The following CEP170 variants were observed in gnomAD, a reference collection of about 807,000 sequenced individuals.
The protein encoded by CEP170 is centrosomal protein of 170 kDa.
A neutral mutation model predicts 151.9 loss-of-function variants in CEP170; 21 were observed. That is an observed-to-expected ratio of 0.14 (90% confidence interval 0.10 to 0.20). CEP170 has a LOEUF of 0.20. Ranked by LOEUF, CEP170 falls within the 10% of genes least tolerant of loss-of-function variation. CEP170 has a pLI of 1.00. For synonymous variants in CEP170, 356 were observed against 648.8 expected (o/e 0.55, Z 6.86); for missense variants, 964 against 1,892.9 (o/e 0.51, Z 9.11).
rs554498179 is a variant in CEP170 at position 243,147,028 on chromosome 1, C to T, written c.3912-4565G>A. 2.6e-5 allele frequency among the ~76,000 whole-genome samples: 4 copies of T among 151,668 alleles called. No individual in the cohort carries two copies. In the East Asian group the frequency reaches 5.8e-4, roughly 22 times the overall value. ...CAGATGGAATGCTCAGTATCATTGG[C>T]TACGAAGCATGAATGCTTAGCAAAG... On this transcript the variant is annotated intron_variant, in intron 14 of 19. Transcript: ENST00000366542.
intron 1 of CEP170, among the ~76,000 whole-genome samples, chr1:243,244,109 C>T (rs1176312685): frequency 6.6e-6 from 1 of 152,036 alleles, no homozygotes; most frequent in Non-Finnish European, 1.5e-5. Context: ...GTTAAACACA[C>T]ACAAATACTA....
At chr1:243,176,102 G>C (rs541216719) in intron 10 of CEP170, among the ~76,000 whole-genome samples, 1 of 151,942 alleles carries the variant, frequency 6.6e-6, no homozygotes, top group African/African-American at 2.4e-5. Flanking sequence ...GGCCTCAAAG[G>C]TATTTCCAAC....
chr1:243,217,289 G>T (rs1304276627), intron 3 of CEP170, among the ~76,000 whole-genome samples: 1 of 152,130 alleles, frequency 6.6e-6, no homozygotes, highest in Admixed American at 6.6e-5. Flanking sequence ...ACTAATGTCT[G>T]GTAGGCAAAA....
At chr1:243,243,096 TG>T (rs2065018681) in intron 1 of CEP170, among the ~76,000 whole-genome samples, 1 of 152,210 alleles carries the variant, frequency 6.6e-6, no homozygotes, top group Non-Finnish European at 1.5e-5. Flanking sequence ...CTAGGCGTGG[TG>T]GCTCATGCCT....
chr1:243,222,063 C>T (rs931512774), intron 2 of CEP170, among the ~76,000 whole-genome samples: 1 of 152,202 alleles, frequency 6.6e-6, no homozygotes, highest in Non-Finnish European at 1.5e-5. Context: ...TAAGAATTTA[C>T]ATCAGCTGAC....
At chr1:243,159,940 C>CA (rs1354962682) in intron 13 of CEP170, among the ~76,000 whole-genome samples, 2 of 152,062 alleles carry the variant, frequency 1.3e-5, no homozygotes, top group African/African-American at 4.8e-5. Flanking sequence ...AGGCACCTGC[C>CA]ACCATGTCTG....
At chr1:243,226,505 A>C (rs1359396633) in intron 1 of CEP170, among the ~76,000 whole-genome samples, 2 of 152,244 alleles carry the variant, frequency 1.3e-5, no homozygotes, top group East Asian at 3.9e-4. Flanking sequence ...TATATAAAGA[A>C]AACCTGGCTT....
At chr1:243,147,737 A>C (rs2056661580) in intron 14 of CEP170, among the ~76,000 whole-genome samples, 5 of 152,162 alleles carry the variant, frequency 3.3e-5, no homozygotes, top group African/African-American at 7.2e-5. Flanking sequence ...TTTTTTTCCC[A>C]AAAAAATTAA....
intron 14 of CEP170, among the ~76,000 whole-genome samples, chr1:243,143,140 C>A (rs2148329365): frequency 6.6e-6 from 1 of 152,184 alleles, no homozygotes; most frequent in Admixed American, 6.5e-5. Flanking sequence ...TATGTTTACA[C>A]CTGAGAAGGG....
chr1:243,162,182 A>G (rs2058118283), intron 13 of CEP170, among the ~76,000 whole-genome samples: 1 of 152,186 alleles, frequency 6.6e-6, no homozygotes, highest in Non-Finnish European at 1.5e-5. Flanking sequence ...GACCTTGCAT[A>G]TACTCCTGAT....
chr1:243,224,464 A>AAG (rs558877253), intron 2 of CEP170, among the ~76,000 whole-genome samples: 6,664 of 152,086 alleles, frequency 0.044, 289 homozygotes, highest in African/African-American at 0.12. Flanking sequence ...AAAAAAAAAA[A>AAG]ATTGCAAAAA....
chr1:243,254,179 C>T (rs887139201), intron 1 of CEP170, among the ~76,000 whole-genome samples: 2 of 137,096 alleles, frequency 1.5e-5, no homozygotes, highest in Admixed American at 7.1e-5. Flanking sequence ...GTCTTCCTTA[C>T]ATTCCTCAAA....
chr1:243,200,987 T>C (rs1473498267), intron 4 of CEP170, among the ~76,000 whole-genome samples, 152 bp from the exon 5 acceptor site: 3 of 152,078 alleles, frequency 2.0e-5, no homozygotes, highest in African/African-American at 7.2e-5. Flanking sequence ...TAAAATATGG[T>C]CACCAATGTA....
chr1:243,190,935 A>G (rs2060271695), intron 8 of CEP170, 83 bp downstream of exon 8: 25 of 1,431,600 alleles, frequency 1.7e-5, no homozygotes, highest in Non-Finnish European at 2.2e-5. Flanking sequence ...CTACCATGTA[A>G]GTATCTACTA....
chr1:243,241,784 C>A, intron 1 of CEP170, among the ~76,000 whole-genome samples: 1 of 138,740 alleles, frequency 7.2e-6, no homozygotes. Flanking sequence ...AGTGAGACTC[C>A]CTCTCATTAA....
intron 1 of CEP170, among the ~76,000 whole-genome samples, chr1:243,234,502 C>T (rs1178763599): frequency 6.6e-6 from 1 of 152,194 alleles, no homozygotes; most frequent in Non-Finnish European, 1.5e-5. Context: ...AAATTGTAAT[C>T]TGAACCAGCA....
intron 3 of CEP170, 196 bp downstream of exon 3, chr1:243,221,528 T>G: frequency 1.9e-6 from 1 of 532,914 alleles, no homozygotes; most frequent in African/African-American, 2.0e-5. Flanking sequence ...ATTCATCTGC[T>G]TATAGTTTCT....
chr1:243,167,806 T>C (rs762544163), intron 12 of CEP170, among the ~76,000 whole-genome samples: 5 of 151,918 alleles, frequency 3.3e-5, no homozygotes, highest in Non-Finnish European at 7.4e-5. Flanking sequence ...CTTATCTCCT[T>C]AGTGCTAACT....
chr1:243,125,737 A>C lies in CEP170; in HGVS notation c.*712T>G, dbSNP rs1202010151. 6.1e-6 allele frequency: 1 copy of C among 165,064 alleles called. No homozygotes were observed. Among genetic ancestry groups the C allele is most frequent in the East Asian group, 1.7e-4 (1 of 6,044 alleles). 10.2% of individuals were successfully genotyped at this position (165,064 alleles called of 1,614,324 possible). A position where few individuals can be genotyped will look rare whatever the true frequency, so the allele number is the denominator to read the frequency against. On this transcript the variant is annotated 3_prime_UTR_variant, in exon 20 of 20. Coordinates refer to ENST00000366542, the MANE Select transcript of CEP170 (RefSeq NM_014812.3). ...GTGGGCTTAAAACAAATACAGTATT[A>C]TCAATCTCCTATGTACAAAAAAGAC... is the stretch of plus-strand genomic sequence containing the variant.
Sources: allele counts gnomAD v4.1 joint callset (sites outside exome capture counted in the v4.1 genomes callset), GRCh38; gene constraint gnomAD v4.1.1; transcripts MANE v1.5; gene names NCBI Gene and HGNC (gene_info 2026-07-23, HGNC 2026-07-21).